PTCD3: variants seen among roughly 807,000 people sequenced by gnomAD.
PTCD3 encodes pentatricopeptide repeat domain 3.
In PTCD3, 89 loss-of-function variants were observed where a neutral mutation model predicts 101.9. The observed-to-expected ratio is 0.87, with a 90% CI of 0.74 to 1.04. PTCD3 has a LOEUF of 1.04. PTCD3 is among the 50% of genes least tolerant of loss of function. The pLI, the probability that PTCD3 is intolerant of heterozygous loss-of-function variation, is 0.00. For missense variants in PTCD3, 870 were observed against 828.2 expected, an observed-to-expected ratio of 1.05 and a Z score of -0.62; for synonymous variants, 296 against 278.5, an observed-to-expected ratio of 1.06 and a Z score of -0.63.
Position 86,123,055 on chromosome 2 carries a change from C to T in PTCD3, c.655-646C>T, listed in dbSNP as rs140228527. On this transcript the variant is annotated intron_variant, in intron 8 of 23. Coordinates refer to ENST00000254630, the MANE Select transcript of PTCD3 (RefSeq NM_017952.6). ...CGGGTGGATCATGAGGTCAGGAGAT[C>T]GAGACCATCCTGGCTAACATGGTGA... 6.7e-3 allele frequency among the ~76,000 whole-genome samples: 1,022 copies of T among 152,050 alleles called. 13 individuals carry two copies. The highest frequency in any genetic ancestry group is 0.023 in the African/African-American group (941 of 41,472).
chr2:86,130,580 A>G (rs1324243814), intron 14 of PTCD3, 68 bp from the exon 15 acceptor site: 8 of 1,559,252 alleles, frequency 5.1e-6, no homozygotes, highest in Non-Finnish European at 2.6e-6. Flanking sequence ...GTCCCTTTGT[A>G]TTAGGTACAG....
At position 86,140,180 on chromosome 2, in the gene PTCD3, C is replaced by G. The variant is rs1194893964; in HGVS notation, c.*2621C>G. The G allele has an allele frequency of 3.3e-5, 5 of 149,460 alleles. No individual in the cohort carries two copies. Among genetic ancestry groups the G allele is most frequent in the African/African-American group, 1.2e-4 (5 of 40,546 alleles). 9.3% of individuals were successfully genotyped at this position (149,460 alleles called of 1,614,324 possible). ...CTAAGAAACAGAACTTCGAGAAGTC[C>G]TAACGTAACCACAGTAAAGCAGACT... On this transcript the variant is annotated 3_prime_UTR_variant, in exon 24 of 24. Coordinates refer to ENST00000254630, the MANE Select transcript of PTCD3 (RefSeq NM_017952.6).
At chr2:86,121,015 A>G (rs1011087647) in intron 7 of PTCD3, among the ~76,000 whole-genome samples, 4 of 152,166 alleles carry the variant, frequency 2.6e-5, no homozygotes, top group African/African-American at 9.7e-5. Flanking sequence ...GTTTTGAACA[A>G]TTTTTAAGAG....
chr2:86,131,876 A>G (rs1424517), intron 16 of PTCD3, among the ~76,000 whole-genome samples: 109,924 of 152,176 alleles, frequency 0.72, 42,106 homozygotes, highest in Non-Finnish European at 0.84. Flanking sequence ...AGTATTTAGT[A>G]TGGATCCTCA....
At chr2:86,132,576 G>A (rs1674512255) in intron 17 of PTCD3, 152 bp downstream of exon 17, 1 of 466,610 alleles carries the variant, frequency 2.1e-6, no homozygotes, top group Non-Finnish European at 3.8e-6. Context: ...AATTAAAGCA[G>A]TGGTAAAACT....
Position 86,108,499 on chromosome 2 carries a change from G to C in PTCD3, c.158-1G>C, listed in dbSNP as rs200834457. 6.3e-7 allele frequency: 1 copy of C among 1,594,016 alleles called. No homozygotes were observed. The highest frequency in any genetic ancestry group is 2.2e-5 in the East Asian group (1 of 44,642). On this transcript the variant is annotated splice_acceptor_variant, in intron 2 of 23. Transcript: ENST00000254630. LOFTEE classifies it high-confidence loss of function. ...GATTCATGTTTTCTTTTTTACATTAGGGATTGAAGAAGTAGTAATTCCAAA... is the reference window on the plus strand; with the variant it reads ...GATTCATGTTTTCTTTTTTACATTACGGATTGAAGAAGTAGTAATTCCAAA...
intron 19 of PTCD3, 126 bp downstream of exon 19, chr2:86,133,562 G>A: frequency 2.1e-6 from 2 of 947,118 alleles, no homozygotes; most frequent in East Asian, 2.5e-5. Context: ...TGTGTTAGTT[G>A]AGATGTACTT....
intron 17 of PTCD3, 155 bp downstream of exon 17, chr2:86,132,579 G>T: frequency 2.3e-6 from 1 of 436,794 alleles, no homozygotes; most frequent in South Asian, 3.9e-5. Context: ...TAAAGCAGTG[G>T]TAAAACTGCC....
At chr2:86,113,186 A>G (rs953587782) in intron 4 of PTCD3, among the ~76,000 whole-genome samples, 2 of 152,196 alleles carry the variant, frequency 1.3e-5, no homozygotes, top group African/African-American at 4.8e-5. Flanking sequence ...GACAAAGGAA[A>G]TTCTTGGTAC....
chr2:86,128,412 T>A (rs1225182240), intron 14 of PTCD3, among the ~76,000 whole-genome samples: 2 of 152,156 alleles, frequency 1.3e-5, no homozygotes, highest in African/African-American at 4.8e-5. Context: ...TTGGGTAGAA[T>A]ATATTTTGGT....
Position 86,141,898 on chromosome 2 carries a change from T to G in PTCD3, c.*4339T>G, listed in dbSNP as rs1480113433. 6.6e-6 allele frequency: 1 copy of G among 152,222 alleles called. No homozygotes were observed. The highest frequency in any genetic ancestry group is 1.9e-4 in the East Asian group (1 of 5,196). The allele number at this position is 152,222 out of a possible 1,614,324, so 9.4% of individuals were successfully genotyped here. ...TGGCCCTTGGGACTCCATCATCTCC[T>G]TGAAGTAGCACTGAGAATCCAAGAA... On this transcript the variant is annotated 3_prime_UTR_variant, in exon 24 of 24. Coordinates refer to ENST00000254630, the MANE Select transcript of PTCD3 (RefSeq NM_017952.6).
rs6761735 is a variant in PTCD3, at chr2:86,132,212, T to C, written c.1267-106T>C. The C allele has an allele frequency of 1.5e-3, 977 of 634,304 alleles. 10 individuals carry two copies. In the African/African-American group the frequency reaches 0.017, roughly 11 times the overall value. 39.3% of individuals were successfully genotyped at this position (634,304 alleles called of 1,614,324 possible). A position where few individuals can be genotyped will look rare whatever the true frequency, so the allele number is the denominator to read the frequency against. ...ACTTACTTGCTGTCAACCAATAATA[T>C]GTTGAATCAACATTATTTTCACAAG... On this transcript the variant is annotated intron_variant, in intron 16 of 23. Transcript: ENST00000254630.
chr2:86,106,955 A>C (rs896695654), intron 1 of PTCD3, among the ~76,000 whole-genome samples: 3 of 152,222 alleles, frequency 2.0e-5, no homozygotes, highest in Admixed American at 6.5e-5. Context: ...AAACTTGCTA[A>C]AAGCCTAATT....
At chr2:86,124,862 C>A in intron 9 of PTCD3, 133 bp from the exon 10 acceptor site, 3 of 1,259,424 alleles carry the variant, frequency 2.4e-6, no homozygotes, top group Non-Finnish European at 3.2e-6. Context: ...ACCATAATAC[C>A]CTGTAAGAAT....
intron 1 of PTCD3, among the ~76,000 whole-genome samples, chr2:86,108,038 G>C (rs1033546019): frequency 3.3e-5 from 5 of 151,886 alleles, no homozygotes; most frequent in African/African-American, 1.2e-4. Context: ...AAGCAGGAGG[G>C]TCACTTGAGC....
At chr2:86,115,748 G>A (rs187697246) in intron 4 of PTCD3, among the ~76,000 whole-genome samples, 3 of 152,316 alleles carry the variant, frequency 2.0e-5, no homozygotes, top group African/African-American at 7.2e-5. Context: ...GCCCCTGGTG[G>A]TATTGGAGAG....
Position 86,133,196 on chromosome 2 carries a change from G to T in PTCD3, c.1392G>T (p.Leu464Phe). Residue 464 changes from leucine to phenylalanine, a missense_variant, in exon 18 of 24, where the codon TTG becomes TTT. Coordinates refer to ENST00000254630, the MANE Select transcript of PTCD3 (RefSeq NM_017952.6). ...RNFYYSKFFD[L>F]ICLMEQIDVT... ...ATCACAGTTCCAAGTTCTTCGATTT[G>T]ATTTGTCTAATGGAACAAATTGATG... 6.2e-7 allele frequency: 1 copy of T among 1,613,900 alleles called. No individual in the cohort carries two copies. Among genetic ancestry groups the T allele is most frequent in the South Asian group, 1.1e-5 (1 of 91,002 alleles).
intron 6 of PTCD3, 39 bp from the exon 7 acceptor site, chr2:86,118,882 T>C: frequency 6.3e-7 from 1 of 1,597,664 alleles, no homozygotes; most frequent in South Asian, 1.1e-5. Context: ...CCCTCACCTT[T>C]ACCTGTTTGT....
chr2:86,126,229 C>CA (rs71377064), intron 12 of PTCD3, among the ~76,000 whole-genome samples: 8,542 of 58,490 alleles, frequency 0.15, 490 homozygotes, highest in East Asian at 0.28. Context: ...GACTCCGTCT[C>CA]AAAAAAAAAA....
Sources: allele counts gnomAD v4.1 joint callset (sites outside exome capture counted in the v4.1 genomes callset), GRCh38; gene constraint gnomAD v4.1.1; transcripts MANE v1.5; gene names NCBI Gene and HGNC (gene_info 2026-07-23, HGNC 2026-07-21).